Variants in GOLPH3L observed in about 807,000 individuals in gnomAD.
GOLPH3L encodes the protein Golgi phosphoprotein 3-like.
In GOLPH3L, 22 loss-of-function variants were observed where a neutral mutation model predicts 30.3. The observed-to-expected ratio is 0.73, with a 90% CI of 0.52 to 1.04. The LOEUF (loss-of-function observed/expected upper bound fraction) is 1.04, where lower values mean the gene tolerates loss of function less well. Ranked by LOEUF, GOLPH3L falls within the 50% of genes least tolerant of loss-of-function variation. The probability of loss-of-function intolerance (pLI) is 0.00; values close to 1 mark genes in which losing one functional copy is unlikely to be tolerated. For synonymous variants in GOLPH3L, 120 were observed against 128.2 expected, an observed-to-expected ratio of 0.94 and a Z score of 0.43; for missense variants, 303 against 345.8, an observed-to-expected ratio of 0.88 and a Z score of 0.98.
At chr1:150,671,535 G>A (rs1299490270) in intron 2 of GOLPH3L, among the ~76,000 whole-genome samples, 5 of 151,980 alleles carry the variant, frequency 3.3e-5, no homozygotes, top group East Asian at 1.9e-4. Flanking sequence ...GGCCGGGCGC[G>A]GTGGCTCACG....
At chr1:150,669,751 T>G (rs1650599323) in intron 2 of GOLPH3L, among the ~76,000 whole-genome samples, 1 of 151,926 alleles carries the variant, frequency 6.6e-6, no homozygotes, top group African/African-American at 2.4e-5. Context: ...CACCTGAGGT[T>G]AGGAGTTCGA....
chr1:150,647,364 C>T lies in GOLPH3L; in HGVS notation c.*957G>A, dbSNP rs1248184561. On this transcript the variant is annotated 3_prime_UTR_variant, in exon 5 of 5. Coordinates refer to ENST00000271732, the MANE Select transcript of GOLPH3L (RefSeq NM_018178.6). ...CAAAAAAAAGCTGAGTATGGTGGCA[C>T]GTGCCTGTAGTCCCACTTAGTTGGG... The T allele has an allele frequency of 1.3e-5, 2 of 152,248 alleles. No individual in the cohort carries two copies. Among genetic ancestry groups the T allele is most frequent in the Non-Finnish European group, 2.9e-5 (2 of 68,062 alleles). The allele number at this position is 152,248 out of a possible 1,614,324, so 9.4% of individuals were successfully genotyped here.
At chr1:150,675,963 C>T (rs1650766794) in intron 2 of GOLPH3L, among the ~76,000 whole-genome samples, 1 of 150,000 alleles carries the variant, frequency 6.7e-6, no homozygotes, top group Admixed American at 6.7e-5. Flanking sequence ...CTCCTCCCTC[C>T]CTCCCTCCCT....
At chr1:150,660,484 A>G (rs918350800) in intron 4 of GOLPH3L, among the ~76,000 whole-genome samples, 1 of 152,150 alleles carries the variant, frequency 6.6e-6, no homozygotes, top group Admixed American at 6.6e-5. Context: ...TTGTGTATCA[A>G]TGTTCACAGC....
chr1:150,660,026 C>T (rs374901641), intron 4 of GOLPH3L, among the ~76,000 whole-genome samples: 8 of 151,706 alleles, frequency 5.3e-5, no homozygotes, highest in African/African-American at 9.7e-5. Context: ...AGAGTGAGAC[C>T]GCATCTCATA....
rs187614650 is a variant in GOLPH3L, at chr1:150,670,241, G to A, written c.184-6478C>T. On this transcript the variant is annotated intron_variant, in intron 2 of 4. Coordinates refer to ENST00000271732, the MANE Select transcript of GOLPH3L (RefSeq NM_018178.6). ...CTCACCACTGCACTCCAGCCTGGGCGACAAGATTGAAACTCCATCTCAAAA... is the reference window on the plus strand; with the variant it reads ...CTCACCACTGCACTCCAGCCTGGGCAACAAGATTGAAACTCCATCTCAAAA... 1.2e-3 allele frequency among the ~76,000 whole-genome samples: 159 copies of A among 135,244 alleles called. 1 individual carries two copies. Among genetic ancestry groups the A allele is most frequent in the Non-Finnish European group, 2.7e-4 (17 of 61,912 alleles). 88.7% of individuals were successfully genotyped at this position (135,244 alleles called of 152,430 possible).
intron 2 of GOLPH3L, among the ~76,000 whole-genome samples, chr1:150,693,819 GTATA>G (rs1175095529): frequency 0.011 from 914 of 86,598 alleles, 18 homozygotes; most frequent in East Asian, 0.02. Flanking sequence ...GTGTGTGTGT[GTATA>G]TATATATATA....
chr1:150,648,534 A>AG lies in GOLPH3L; in HGVS notation c.644dup (p.Gln216SerfsTer18). 6.2e-7 allele frequency: 1 copy of AG among 1,613,744 alleles called. No homozygotes were observed. The highest frequency in any genetic ancestry group is 1.3e-5 in the African/African-American group (1 of 75,022). Reference sequence around the variant, plus strand: ...CTAGTGTTCGCTTGTCCATACGCTGAGGGTCATTTACCCACCGCTCTAGTA... The same window carrying AG: ...CTAGTGTTCGCTTGTCCATACGCTGAGGGGTCATTTACCCACCGCTCTAGTA... On this transcript the variant is annotated frameshift_variant, in exon 5 of 5. Transcript: ENST00000271732. LOFTEE classifies it high-confidence loss of function.
Position 150,654,467 on chromosome 1 carries a change from A to C in GOLPH3L, c.431-5719T>G, listed in dbSNP as rs587655835. On this transcript the variant is annotated intron_variant, in intron 4 of 4. Coordinates refer to ENST00000271732, the MANE Select transcript of GOLPH3L (RefSeq NM_018178.6). ...GGTTGCAGCGAGCCAAGATTGTGCC[A>C]CTGCACTCCAGCCTGGGAGGCAGAG... Among the ~76,000 whole-genome samples, 919 of 152,090 alleles carry C rather than the reference A, an allele frequency of 6.0e-3. 4 individuals are homozygous for C. Among genetic ancestry groups the C allele is most frequent in the Non-Finnish European group, 0.01 (696 of 67,972 alleles).
chr1:150,662,040 G>C, intron 3 of GOLPH3L, 112 bp from the exon 4 acceptor site: 1 of 679,008 alleles, frequency 1.5e-6, no homozygotes, highest in Non-Finnish European at 2.7e-6. Flanking sequence ...ATGTAAGGAA[G>C]CATAATATAC....
intron 4 of GOLPH3L, among the ~76,000 whole-genome samples, chr1:150,652,757 A>G (rs1439781483): frequency 1.3e-5 from 2 of 152,178 alleles, no homozygotes; most frequent in African/African-American, 4.8e-5. Context: ...GCAAGGTTAT[A>G]ACACATAGAA....
intron 2 of GOLPH3L, among the ~76,000 whole-genome samples, chr1:150,667,567 T>C (rs1427036059): frequency 2.0e-5 from 3 of 151,678 alleles, no homozygotes; most frequent in Non-Finnish European, 4.4e-5. Flanking sequence ...AAAGTGGCTA[T>C]TTACTAGTCT....
Position 150,678,922 on chromosome 1 carries a change from G to A in GOLPH3L, c.184-15159C>T, listed in dbSNP as rs587656927. ...GCCGAGAGCCAAGATCCAGCCTGGCGAGGGAGCAAGGCTCCGTCTCAAAAA... is the reference window on the plus strand; with the variant it reads ...GCCGAGAGCCAAGATCCAGCCTGGCAAGGGAGCAAGGCTCCGTCTCAAAAA... On this transcript the variant is annotated intron_variant, in intron 2 of 4. Coordinates refer to ENST00000271732, the MANE Select transcript of GOLPH3L (RefSeq NM_018178.6). 2.4e-4 allele frequency among the ~76,000 whole-genome samples: 37 copies of A among 152,288 alleles called. 1 individual carries two copies. In the South Asian group the frequency reaches 2.5e-3, roughly 10 times the overall value.
intron 3 of GOLPH3L, among the ~76,000 whole-genome samples, chr1:150,663,073 C>T (rs1650406634): frequency 6.6e-6 from 1 of 151,650 alleles, no homozygotes; most frequent in Non-Finnish European, 1.5e-5. Context: ...CTTGCACTGT[C>T]CCCCAGGCTG....
At chr1:150,651,099 T>C (rs1650094455) in intron 4 of GOLPH3L, among the ~76,000 whole-genome samples, 1 of 152,128 alleles carries the variant, frequency 6.6e-6, no homozygotes, top group South Asian at 2.1e-4. Context: ...GGTGGATCAT[T>C]TGAGGCCAGG....
chr1:150,688,812 C>T (rs1651147861), intron 2 of GOLPH3L, among the ~76,000 whole-genome samples: 1 of 152,114 alleles, frequency 6.6e-6, no homozygotes, highest in African/African-American at 2.4e-5. Flanking sequence ...AACATCTCTT[C>T]TTCCCTCTCC....
rs749180788 is a variant in GOLPH3L, at chr1:150,694,721, C to A, written c.118G>T (p.Asp40Tyr). Residue 40 changes from aspartate to tyrosine, a missense_variant, in exon 2 of 5, where the codon GAC becomes TAC. Asp to Tyr is a radical substitution (Grantham distance 160, BLOSUM62 -3). Coordinates refer to ENST00000271732, the MANE Select transcript of GOLPH3L (RefSeq NM_018178.6). ...AGAGTAAGGCGGATATCCTTAGAGT[C>A]TCCAGAATCTTCATTGTCTGGACTT... ...EKSPDNEDSGDSKDIRLTLME... is the reference protein window; with the variant it reads ...EKSPDNEDSGYSKDIRLTLME... The A allele has an allele frequency of 6.2e-7, 1 of 1,610,182 alleles. No individual in the cohort carries two copies. The highest frequency in any genetic ancestry group is 8.5e-7 in the Non-Finnish European group (1 of 1,176,480).
At chr1:150,660,896 T>G (rs1473360702) in intron 4 of GOLPH3L, among the ~76,000 whole-genome samples, 1 of 152,206 alleles carries the variant, frequency 6.6e-6, no homozygotes, top group Non-Finnish European at 1.5e-5. Flanking sequence ...GCAAATATAT[T>G]TAATTTCACA....
intron 4 of GOLPH3L, among the ~76,000 whole-genome samples, chr1:150,650,728 G>A (rs1045745539): frequency 2.6e-5 from 4 of 152,182 alleles, no homozygotes; most frequent in African/African-American, 4.8e-5. Flanking sequence ...TGTCTTCCAC[G>A]AAACCTGTCC....
Sources: allele counts gnomAD v4.1 joint callset (sites outside exome capture counted in the v4.1 genomes callset), GRCh38; gene constraint gnomAD v4.1.1; transcripts MANE v1.5; gene names NCBI Gene and HGNC (gene_info 2026-07-23, HGNC 2026-07-21).